Variants in TTLL11 observed in about 807,000 individuals in gnomAD.
TTLL11 encodes the protein tubulin polyglutamylase TTLL11.
Under a neutral mutation model 51.7 loss-of-function variants are expected in TTLL11, and 42 were observed. The ratio of observed to expected loss-of-function variants is 0.81; its 90% CI spans 0.64 to 1.05. TTLL11 has a LOEUF of 1.05. TTLL11 is among the 50% of genes least tolerant of loss of function. The probability of loss-of-function intolerance (pLI) is 0.00; values close to 1 mark genes in which losing one functional copy is unlikely to be tolerated. For synonymous variants in TTLL11, 381 were observed against 383.5 expected (o/e 0.99, Z 0.08); for missense variants, 799 against 940.4 (o/e 0.85, Z 1.97).
intron 1 of TTLL11, among the ~76,000 whole-genome samples, chr9:122,083,947 C>T (rs556215523): frequency 2.4e-4 from 37 of 152,240 alleles, no homozygotes; most frequent in African/African-American, 8.4e-4. Flanking sequence ...ATTTTATATG[C>T]TTGGGAACAG....
At chr9:122,043,188 G>GA (rs1164408202) in intron 1 of TTLL11, among the ~76,000 whole-genome samples, 4 of 152,020 alleles carry the variant, frequency 2.6e-5, no homozygotes, top group African/African-American at 9.7e-5. Flanking sequence ...GCAGGTGGGG[G>GA]AAAATCTCTG....
intron 8 of TTLL11, among the ~76,000 whole-genome samples, chr9:121,850,165 CAGAG>C (rs56043050): frequency 0.62 from 94,102 of 151,288 alleles, 29,414 homozygotes; most frequent in East Asian, 0.77. Context: ...TATATATAGA[CAGAG>C]AGATAAATAG....
chr9:121,930,150 G>A (rs982935572), intron 6 of TTLL11, among the ~76,000 whole-genome samples: 1 of 152,218 alleles, frequency 6.6e-6, no homozygotes. Flanking sequence ...CTGATGTTCA[G>A]GAAAACCAAG....
At chr9:122,067,087 C>G (rs1264853790) in intron 1 of TTLL11, among the ~76,000 whole-genome samples, 2 of 152,122 alleles carry the variant, frequency 1.3e-5, no homozygotes, top group African/African-American at 4.8e-5. Flanking sequence ...GGACACAAAG[C>G]CAGCCCATAT....
At chr9:121,966,372 T>G (rs928236858) in intron 6 of TTLL11, among the ~76,000 whole-genome samples, 12 of 152,320 alleles carry the variant, frequency 7.9e-5, no homozygotes, top group African/African-American at 2.6e-4. Flanking sequence ...TCTTCATTTA[T>G]ATTACACTGG....
At chr9:121,875,858 T>C (rs998159892) in intron 6 of TTLL11, among the ~76,000 whole-genome samples, 1 of 152,238 alleles carries the variant, frequency 6.6e-6, no homozygotes, top group African/African-American at 2.4e-5. Context: ...GAAAGAGTTC[T>C]GGAATGTTTT....
At chr9:121,886,212 G>A (rs551560156) in intron 6 of TTLL11, among the ~76,000 whole-genome samples, 148 of 152,300 alleles carry the variant, frequency 9.7e-4, no homozygotes, top group African/African-American at 3.4e-3. Context: ...GACTTTGGGG[G>A]AACCATTAGG....
chr9:121,881,316 A>G (rs1838781114), intron 6 of TTLL11, among the ~76,000 whole-genome samples: 1 of 152,028 alleles, frequency 6.6e-6, no homozygotes, highest in South Asian at 2.1e-4. Context: ...TGTAAAAGTT[A>G]TTCTTTGCCT....
At chr9:121,912,477 C>G (rs994599700) in intron 6 of TTLL11, among the ~76,000 whole-genome samples, 5 of 151,676 alleles carry the variant, frequency 3.3e-5, no homozygotes, top group African/African-American at 1.2e-4. Context: ...CCCTTCTGCT[C>G]GGAATGCCCC....
chr9:121,834,524 A>C (rs1180147120), intron 8 of TTLL11, among the ~76,000 whole-genome samples: 1 of 150,716 alleles, frequency 6.6e-6, no homozygotes, highest in African/African-American at 2.4e-5. Flanking sequence ...AAAGCAACAC[A>C]GTGCTTAAAA....
chr9:121,844,477 C>G (rs1391410963), intron 8 of TTLL11, among the ~76,000 whole-genome samples: 1 of 152,162 alleles, frequency 6.6e-6, no homozygotes, highest in Non-Finnish European at 1.5e-5. Flanking sequence ...CAAAACATTA[C>G]AAGACCTGCT....
intron 1 of TTLL11, among the ~76,000 whole-genome samples, chr9:122,048,825 C>T (rs1845084058): frequency 6.6e-6 from 1 of 152,170 alleles, no homozygotes; most frequent in African/African-American, 2.4e-5. Flanking sequence ...TCTGTCGCTA[C>T]ACCCATCACA....
At chr9:121,899,409 A>T (rs1443061116) in intron 6 of TTLL11, among the ~76,000 whole-genome samples, 1 of 149,066 alleles carries the variant, frequency 6.7e-6, no homozygotes, top group East Asian at 2.0e-4. Context: ...ATATACACAC[A>T]CACACACATT....
At chr9:121,934,783 A>G (rs1033014443) in intron 6 of TTLL11, among the ~76,000 whole-genome samples, 9 of 152,214 alleles carry the variant, frequency 5.9e-5, no homozygotes, top group African/African-American at 2.2e-4. Context: ...CATCCAGAAT[A>G]TTAAAAAGAA....
intron 6 of TTLL11, among the ~76,000 whole-genome samples, chr9:121,900,180 C>T (rs894581466): frequency 1.3e-5 from 2 of 152,186 alleles, no homozygotes; most frequent in African/African-American, 4.8e-5. Flanking sequence ...AGCATCTTGC[C>T]TTTAGTGAGG....
intron 6 of TTLL11, among the ~76,000 whole-genome samples, chr9:121,883,839 AGGCAGGCAGCAGAGT>A (rs890687743): frequency 1.3e-5 from 2 of 152,176 alleles, no homozygotes; most frequent in Non-Finnish European, 2.9e-5. Context: ...CGCAAGGTTA[AGGCAGGCAGCAGAGT>A]GGCGAGAGCT....
intron 1 of TTLL11, among the ~76,000 whole-genome samples, chr9:122,091,023 T>C (rs1016094347): frequency 1.5e-4 from 23 of 152,222 alleles, no homozygotes; most frequent in African/African-American, 5.5e-4. Context: ...ATCTTAAGTA[T>C]GTTTGGTTCC....
chr9:122,049,948 G>C (rs1845113504), intron 1 of TTLL11, among the ~76,000 whole-genome samples: 1 of 152,136 alleles, frequency 6.6e-6, no homozygotes, highest in Non-Finnish European at 1.5e-5. Flanking sequence ...CTGTAGGGGG[G>C]AAATGGTCCA....
chr9:121,973,477 G>A (rs1305282081), intron 6 of TTLL11, among the ~76,000 whole-genome samples: 2 of 152,160 alleles, frequency 1.3e-5, no homozygotes, highest in East Asian at 3.8e-4. Flanking sequence ...CTGGCCTTGA[G>A]GGAGACAGCT....
Sources: gnomAD v4.1 joint callset for allele counts (sites outside exome capture counted in the v4.1 genomes callset) on GRCh38, gnomAD v4.1.1 for gene constraint, MANE v1.5 for transcripts, NCBI Gene and HGNC (gene_info 2026-07-23, HGNC 2026-07-21) for gene names.